GCA: variants seen among roughly 807,000 people sequenced by gnomAD.
The protein encoded by GCA is grancalcin, also known as grancalcin, EF-hand calcium-binding protein.
A neutral mutation model predicts 32.6 loss-of-function variants in GCA; 30 were observed. That is an observed-to-expected ratio of 0.92 (90% CI 0.69 to 1.25). The LOEUF is 1.25. Ranked by LOEUF, GCA falls within the 50% of genes most tolerant of loss-of-function variation. GCA has a pLI of 0.00. For synonymous variants in GCA, 102 were observed against 84.6 expected (o/e 1.21, Z -1.13); for missense variants, 291 against 266.8 (o/e 1.09, Z -0.63).
upstream of GCA, among the ~76,000 whole-genome samples, chr2:162,340,080 C>T (rs1006891054): frequency 2.0e-5 from 3 of 152,138 alleles, no homozygotes; most frequent in Non-Finnish European, 2.9e-5. Context: ...TCATTATCAG[C>T]ATCAGCAATT....
At chr2:162,353,410 G>A (rs144881785) in intron 3 of GCA, among the ~76,000 whole-genome samples, 61 of 152,342 alleles carry the variant, frequency 4.0e-4, no homozygotes, top group African/African-American at 1.3e-3. Flanking sequence ...AGAGGTTCCA[G>A]TGAGCTGAGA....
rs139475387 is a variant in GCA at position 162,339,057 on chromosome 2, C to G, written c.-30-8521C>G. Among the ~76,000 whole-genome samples, 1,158 of 152,260 alleles carry G rather than the reference C, an allele frequency of 7.6e-3. 18 individuals are homozygous for G. The highest frequency in any genetic ancestry group is 0.026 in the African/African-American group (1,093 of 41,548). On this transcript the variant is annotated intron_variant, in intron 1 of 4. Coordinates refer to the GCA transcript ENST00000429691. Reference sequence around the variant, plus strand: ...GAAAACTGTGTTATTGAGAGCTTAGCTGAAGAAAGGTCAGTTTGCCAAGTG... The same window carrying G: ...GAAAACTGTGTTATTGAGAGCTTAGGTGAAGAAAGGTCAGTTTGCCAAGTG...
Position 162,360,758 on chromosome 2 carries a change from TA to T in GCA, c.*518del. The T allele has an allele frequency of 7.2e-7, 1 of 1,385,580 alleles. No individual in the cohort carries two copies. The highest frequency in any genetic ancestry group is 1.7e-5 in the South Asian group (1 of 58,076). 85.8% of individuals were successfully genotyped at this position (1,385,580 alleles called of 1,614,324 possible). A position where few individuals can be genotyped will look rare whatever the true frequency, so the allele number is the denominator to read the frequency against. Reference sequence around the variant, plus strand: ...ATCAAATAATCAGAGAAAAGAAACTTAAAGATCTTTGTCTGTGAAGAAGAAA... The same window carrying T: ...ATCAAATAATCAGAGAAAAGAAACTTAAGATCTTTGTCTGTGAAGAAGAAA... On this transcript the variant is annotated 3_prime_UTR_variant, in exon 8 of 8. Coordinates refer to ENST00000437150, the MANE Select transcript of GCA (RefSeq NM_012198.5).
rs1576302463 is a variant in GCA, at chr2:162,360,372, G to T, written c.*129G>T. 1 of 1,380,640 alleles carries T rather than the reference G, an allele frequency of 7.2e-7. No individual in the cohort carries two copies. Among genetic ancestry groups the T allele is most frequent in the Non-Finnish European group, 9.4e-7 (1 of 1,060,204 alleles). The allele number at this position is 1,380,640 out of a possible 1,614,324, so 85.5% of individuals were successfully genotyped here. A position where few individuals can be genotyped will look rare whatever the true frequency, so the allele number is the denominator to read the frequency against. Reference sequence around the variant, plus strand: ...CCTGTTAAACCTCTTCCCTTTCTGTGTGTTTTTATTTTAGCAGATAGTTCA... The same window carrying T: ...CCTGTTAAACCTCTTCCCTTTCTGTTTGTTTTTATTTTAGCAGATAGTTCA... On this transcript the variant is annotated 3_prime_UTR_variant, in exon 8 of 8. Transcript: ENST00000437150.
chr2:162,325,562 A>G (rs775006415), intron 1 of GCA, among the ~76,000 whole-genome samples: 10 of 152,168 alleles, frequency 6.6e-5, no homozygotes, highest in Non-Finnish European at 1.2e-4. Flanking sequence ...CAAGCCCTCC[A>G]TTATGCACAC....
At chr2:162,363,142 A>T (rs540920671), downstream of GCA, among the ~76,000 whole-genome samples, 1 of 151,518 alleles carries the variant, frequency 6.6e-6, no homozygotes, top group African/African-American at 2.4e-5. Context: ...TTGTCTTTTT[A>T]CGTTTGACAA....
At chr2:162,369,964 A>G (rs1400178359) in intron 4 of GCA, among the ~76,000 whole-genome samples, 1 of 152,094 alleles carries the variant, frequency 6.6e-6, no homozygotes, top group Non-Finnish European at 1.5e-5. Flanking sequence ...GTTGGAATTG[A>G]CTGGTCATTT....
intron 2 of GCA, among the ~76,000 whole-genome samples, chr2:162,350,732 A>G (rs1684949743): frequency 6.6e-6 from 1 of 152,178 alleles, no homozygotes; most frequent in Admixed American, 6.6e-5. Context: ...TACTTTCCTT[A>G]AATTTCCCAG....
At chr2:162,374,853 T>A (rs1686105686), downstream of GCA, among the ~76,000 whole-genome samples, 1 of 152,150 alleles carries the variant, frequency 6.6e-6, no homozygotes, top group African/African-American at 2.4e-5. Context: ...CTATGAATGA[T>A]ACATGACTTT....
intron 2 of GCA, 95 bp downstream of exon 2, chr2:162,347,837 A>C (rs1318104573): frequency 1.4e-6 from 1 of 692,086 alleles, no homozygotes; most frequent in Non-Finnish European, 2.1e-6. Flanking sequence ...TGTATATGAA[A>C]TTTATATTTT....
chr2:162,363,370 C>A (rs1448848553), downstream of GCA, among the ~76,000 whole-genome samples: 6 of 151,270 alleles, frequency 4.0e-5, no homozygotes. Context: ...GCAATTCAAT[C>A]ATTTACATAG....
chr2:162,345,166 G>A (rs1475506520), intron 1 of GCA, among the ~76,000 whole-genome samples: 5 of 143,406 alleles, frequency 3.5e-5, no homozygotes, highest in African/African-American at 1.3e-4. Context: ...GTTGTTTTAG[G>A]ATATGAATTT....
chr2:162,346,421 ACCACTC>A (rs1278326954), intron 1 of GCA, among the ~76,000 whole-genome samples: 2 of 152,190 alleles, frequency 1.3e-5, no homozygotes, highest in African/African-American at 4.8e-5. Context: ...CCAATTCTTT[ACCACTC>A]CCCTTATCGA....
At chr2:162,373,469 C>T (rs1460458611), downstream of GCA, 1 of 1,518,172 alleles carries the variant, frequency 6.6e-7, no homozygotes, top group Non-Finnish European at 8.9e-7. Context: ...TCCACACTTA[C>T]TTGTGAGGAA....
chr2:162,370,080 G>A (rs1360426126), intron 4 of GCA, among the ~76,000 whole-genome samples: 1 of 152,122 alleles, frequency 6.6e-6, no homozygotes, highest in Non-Finnish European at 1.5e-5. Context: ...ACCAATTTAT[G>A]TGACCATTTA....
At chr2:162,340,178 T>C (rs992551213), upstream of GCA, among the ~76,000 whole-genome samples, 4 of 152,156 alleles carry the variant, frequency 2.6e-5, no homozygotes, top group African/African-American at 9.7e-5. Context: ...GAAAGGTCTG[T>C]TAAGATGCAA....
chr2:162,359,383 A>G (rs1685455309), intron 6 of GCA, 111 bp from the exon 7 acceptor site: 1 of 597,530 alleles, frequency 1.7e-6, no homozygotes, highest in Non-Finnish European at 3.0e-6. Context: ...CTATTCAATC[A>G]CTTAATATTT....
At chr2:162,344,344 C>T (rs932073416) in intron 1 of GCA, 69 bp downstream of exon 1, 1 of 1,473,034 alleles carries the variant, frequency 6.8e-7, no homozygotes, top group Non-Finnish European at 9.4e-7. Flanking sequence ...GCGGTGCCAA[C>T]GTGCGGGTCC....
At chr2:162,347,544 A>G in intron 1 of GCA, 34 bp from the exon 2 acceptor site, 1 of 1,405,662 alleles carries the variant, frequency 7.1e-7, no homozygotes, top group Non-Finnish European at 9.8e-7. Context: ...GGTAGTATTT[A>G]TATTACTAAC....
Sources: gnomAD v4.1 joint callset for allele counts (sites outside exome capture counted in the v4.1 genomes callset) on GRCh38, gnomAD v4.1.1 for gene constraint, MANE v1.5 for transcripts, NCBI Gene and HGNC (gene_info 2026-07-23, HGNC 2026-07-21) for gene names.